The following ADAMTS19 variants were observed in gnomAD, a reference collection of about 807,000 sequenced individuals.
ADAMTS19 encodes the protein ADAM metallopeptidase with thrombospondin type 1 motif 19.
ADAMTS19 carries 93 observed loss-of-function variants against 153.3 expected under a neutral mutation model. The observed-to-expected ratio is 0.61, with a 90% CI of 0.51 to 0.72. The LOEUF (loss-of-function observed/expected upper bound fraction) is 0.72. ADAMTS19 is among the 30% of genes least tolerant of loss of function. The pLI is 0.00. For synonymous variants in ADAMTS19, 600 were observed against 556.6 expected, an observed-to-expected ratio of 1.08 and a Z score of -1.10; for missense variants, 1,482 against 1,552.1, an observed-to-expected ratio of 0.95 and a Z score of 0.76.
intron 2 of ADAMTS19, among the ~76,000 whole-genome samples, chr5:129,463,835 A>G (rs73785196): frequency 2.0e-5 from 3 of 152,330 alleles, no homozygotes; most frequent in African/African-American, 7.2e-5. Context: ...TTAATGTATT[A>G]TAGGTCCCTT....
intron 8 of ADAMTS19, among the ~76,000 whole-genome samples, chr5:129,597,017 C>T (rs943309980): frequency 2.6e-5 from 4 of 152,070 alleles, no homozygotes; most frequent in Non-Finnish European, 4.4e-5. Context: ...GAAAGTAATT[C>T]CAGCCTATGG....
At chr5:129,628,367 G>A (rs567463805) in intron 10 of ADAMTS19, among the ~76,000 whole-genome samples, 19 of 152,046 alleles carry the variant, frequency 1.2e-4, no homozygotes, top group South Asian at 2.1e-4. Flanking sequence ...GGCTTAGTAC[G>A]TGGGTGATGA....
chr5:129,571,732 G>A lies in ADAMTS19; in HGVS notation c.1372+19825G>A, dbSNP rs537121873. 1.2e-3 allele frequency among the ~76,000 whole-genome samples: 177 copies of A among 151,820 alleles called. 1 individual carries two copies. Among genetic ancestry groups the A allele is most frequent in the African/African-American group, 4.1e-3 (172 of 41,498 alleles). ...TTTTGAATAGAAAAATCGTTTCGGAGAAATACTACTCATTATATCATTTAT... is the reference window on the plus strand; with the variant it reads ...TTTTGAATAGAAAAATCGTTTCGGAAAAATACTACTCATTATATCATTTAT... On this transcript the variant is annotated intron_variant, in intron 7 of 22. Coordinates refer to ENST00000274487, the MANE Select transcript of ADAMTS19 (RefSeq NM_133638.6).
chr5:129,525,932 T>C (rs1751990036), intron 3 of ADAMTS19, among the ~76,000 whole-genome samples: 3 of 152,054 alleles, frequency 2.0e-5, no homozygotes, highest in Admixed American at 1.3e-4. Flanking sequence ...AATTGCAGTA[T>C]CTTTTATTTA....
At chr5:129,476,442 A>G (rs1433924375) in intron 2 of ADAMTS19, among the ~76,000 whole-genome samples, 1 of 151,934 alleles carries the variant, frequency 6.6e-6, no homozygotes, top group Non-Finnish European at 1.5e-5. Context: ...CAAAGTTGTT[A>G]GGGTCAGGGT....
chr5:129,516,214 A>G (rs1224936952), intron 3 of ADAMTS19, among the ~76,000 whole-genome samples: 1 of 149,772 alleles, frequency 6.7e-6, no homozygotes. Flanking sequence ...TTTTTGCATC[A>G]GTATTCATCA....
At chr5:129,558,781 G>A (rs1013613575) in intron 7 of ADAMTS19, among the ~76,000 whole-genome samples, 2 of 152,046 alleles carry the variant, frequency 1.3e-5, no homozygotes, top group East Asian at 1.9e-4. Flanking sequence ...GCAGTTGCCT[G>A]TATTTGGAAA....
chr5:129,538,292 T>C (rs1752530093), intron 6 of ADAMTS19, among the ~76,000 whole-genome samples: 1 of 152,134 alleles, frequency 6.6e-6, no homozygotes, highest in Non-Finnish European at 1.5e-5. Flanking sequence ...TCATCAGTGG[T>C]ATTTCTTATG....
intron 18 of ADAMTS19, among the ~76,000 whole-genome samples, chr5:129,690,403 A>T (rs2127140871): frequency 1.3e-5 from 2 of 152,314 alleles, no homozygotes; most frequent in South Asian, 4.1e-4. Flanking sequence ...AAGGTCCTTG[A>T]GTGTTATGCT....
chr5:129,526,074 C>G (rs1304554601), intron 3 of ADAMTS19, among the ~76,000 whole-genome samples: 2 of 151,968 alleles, frequency 1.3e-5, no homozygotes, highest in African/African-American at 4.8e-5. Flanking sequence ...CTCAGGCTGA[C>G]TGAGTGATGT....
intron 16 of ADAMTS19, 45 bp downstream of exon 16, chr5:129,665,624 A>G (rs773976874): frequency 6.8e-7 from 1 of 1,460,620 alleles, no homozygotes; most frequent in Admixed American, 1.8e-5. Flanking sequence ...TACGAGCCCA[A>G]CTCCCTGCCC....
chr5:129,541,687 A>G (rs1752658984), intron 6 of ADAMTS19, among the ~76,000 whole-genome samples: 2 of 152,052 alleles, frequency 1.3e-5, no homozygotes, highest in African/African-American at 4.8e-5. Flanking sequence ...CCTTTCAAGT[A>G]GAAGCCTATT....
chr5:129,711,312 A>G (rs2127180581), intron 21 of ADAMTS19, among the ~76,000 whole-genome samples: 1 of 152,342 alleles, frequency 6.6e-6, no homozygotes, highest in South Asian at 2.1e-4. Flanking sequence ...TCAAGTAGAC[A>G]CATTAGTAAA....
At chr5:129,587,882 C>A (rs1272722286) in intron 7 of ADAMTS19, among the ~76,000 whole-genome samples, 4 of 152,106 alleles carry the variant, frequency 2.6e-5, no homozygotes, top group Admixed American at 2.6e-4. Flanking sequence ...TTCTCAGTCT[C>A]TAGTTCTTGC....
chr5:129,516,483 C>T (rs985239649), intron 3 of ADAMTS19, among the ~76,000 whole-genome samples: 1 of 151,306 alleles, frequency 6.6e-6, no homozygotes, highest in African/African-American at 2.4e-5. Flanking sequence ...TTGTTACTTG[C>T]TATCTGTTCA....
intron 10 of ADAMTS19, among the ~76,000 whole-genome samples, chr5:129,639,210 G>T (rs1752684730): frequency 1.3e-5 from 2 of 152,128 alleles, no homozygotes; most frequent in African/African-American, 4.8e-5. Context: ...GACAGTGTTT[G>T]TCTCTAATAT....
At chr5:129,546,493 A>C (rs927691302) in intron 6 of ADAMTS19, among the ~76,000 whole-genome samples, 5 of 150,840 alleles carry the variant, frequency 3.3e-5, no homozygotes, top group African/African-American at 1.2e-4. Flanking sequence ...TAAAAAAGTA[A>C]GCAGAAAGCA....
intron 7 of ADAMTS19, among the ~76,000 whole-genome samples, chr5:129,587,824 G>A (rs1050133422): frequency 3.3e-5 from 5 of 152,000 alleles, no homozygotes; most frequent in African/African-American, 1.2e-4. Flanking sequence ...TTTTGTTGTT[G>A]TTGTTGTTGT....
At chr5:129,549,620 AGT>A (rs1345072366) in intron 6 of ADAMTS19, among the ~76,000 whole-genome samples, 4 of 151,594 alleles carry the variant, frequency 2.6e-5, no homozygotes, top group Non-Finnish European at 4.4e-5. Context: ...GAATTTTAAC[AGT>A]CTTTTGTCAG....
Sources: gnomAD v4.1 joint callset for allele counts (sites outside exome capture counted in the v4.1 genomes callset) on GRCh38, gnomAD v4.1.1 for gene constraint, MANE v1.5 for transcripts, NCBI Gene and HGNC (gene_info 2026-07-23, HGNC 2026-07-21) for gene names.